The following ABCA13 variants were observed in gnomAD, a reference collection of about 807,000 sequenced individuals.
The protein encoded by ABCA13 is ATP-binding cassette sub-family A member 13.
In ABCA13, 476 loss-of-function variants were observed where a neutral mutation model predicts 478.7. That is an observed-to-expected ratio of 0.99 (90% CI 0.92 to 1.07). The LOEUF (loss-of-function observed/expected upper bound fraction) is 1.07, where lower values mean the gene tolerates loss of function less well. ABCA13 is among the 50% of genes least tolerant of loss of function. ABCA13 has a pLI of 0.00. For missense variants in ABCA13, 6,060 were observed against 5,910.6 expected (o/e 1.03, Z -0.83); for synonymous variants, 2,252 against 2,158.9 (o/e 1.04, Z -1.20).
chr7:48,317,343 T>G, intron 27 of ABCA13, 47 bp downstream of exon 27: 1 of 1,556,758 alleles, frequency 6.4e-7, no homozygotes, highest in Non-Finnish European at 8.7e-7. Context: ...ATACACTAAA[T>G]CAGGAAGGAA....
chr7:48,397,536 G>A (rs1817007831), intron 38 of ABCA13, among the ~76,000 whole-genome samples: 1 of 151,974 alleles, frequency 6.6e-6, no homozygotes, highest in African/African-American at 2.4e-5. Flanking sequence ...TCTGAAAGGA[G>A]GGCACTGGGG....
chr7:48,179,783 T>A (rs776205121), intron 1 of ABCA13, among the ~76,000 whole-genome samples: 2 of 152,200 alleles, frequency 1.3e-5, no homozygotes, highest in African/African-American at 2.4e-5. Flanking sequence ...CGGCAGGTCC[T>A]GAGAGCACAC....
chr7:48,252,585 G>A (rs1194713982), intron 15 of ABCA13, among the ~76,000 whole-genome samples: 1 of 152,158 alleles, frequency 6.6e-6, no homozygotes, highest in Non-Finnish European at 1.5e-5. Context: ...TAACAGAAAG[G>A]TAAGGTAAAA....
At chr7:48,208,688 A>T (rs1785239815) in intron 3 of ABCA13, among the ~76,000 whole-genome samples, 1 of 151,880 alleles carries the variant, frequency 6.6e-6, no homozygotes, top group South Asian at 2.1e-4. Flanking sequence ...TTTGTTTATC[A>T]GTTCTAATAG....
intron 48 of ABCA13, among the ~76,000 whole-genome samples, chr7:48,498,618 AG>A (rs1353056176): frequency 1.3e-5 from 2 of 152,140 alleles, no homozygotes; most frequent in Non-Finnish European, 2.9e-5. Context: ...ATAATAGAAT[AG>A]CACCTATGGA....
At chr7:48,394,771 A>C (rs1030316742) in intron 38 of ABCA13, among the ~76,000 whole-genome samples, 2 of 151,780 alleles carry the variant, frequency 1.3e-5, no homozygotes, top group African/African-American at 4.8e-5. Context: ...GTGATTTGTG[A>C]GATTTTGGTG....
At chr7:48,570,858 C>CT (rs1787577691) in intron 55 of ABCA13, among the ~76,000 whole-genome samples, 1 of 151,760 alleles carries the variant, frequency 6.6e-6, no homozygotes, top group Non-Finnish European at 1.5e-5. Flanking sequence ...TCTATATTTC[C>CT]TCTATATTTT....
intron 15 of ABCA13, among the ~76,000 whole-genome samples, chr7:48,261,294 T>A (rs1211105046): frequency 6.6e-6 from 1 of 152,054 alleles, no homozygotes; most frequent in Non-Finnish European, 1.5e-5. Flanking sequence ...ATAAAATTTC[T>A]AATTTTTCAA....
intron 27 of ABCA13, among the ~76,000 whole-genome samples, chr7:48,322,422 T>A (rs982957607): frequency 6.6e-6 from 1 of 152,196 alleles, no homozygotes; most frequent in Non-Finnish European, 1.5e-5. Context: ...CAGAGACGCA[T>A]GTCCTCACCT....
In ABCA13 at chr7:48,310,029, G is replaced by T. The variant is rs1192097386; in HGVS notation, c.9404G>T (p.Gly3135Val). The T allele has an allele frequency of 6.2e-7, 1 of 1,613,828 alleles. No homozygotes were observed. Among genetic ancestry groups the T allele is most frequent in the African/African-American group, 1.3e-5 (1 of 74,912 alleles). Residue 3135 changes from glycine to valine, a missense_variant, in exon 24 of 62, where the codon GGG (glycine) becomes GTG (valine). Around this residue, in one of 3 missense-constraint regions of ABCA13, gnomAD observed 4,423 missense variants for 4,309.1 expected, o/e 1.03. Coordinates refer to ENST00000435803, the MANE Select transcript of ABCA13 (RefSeq NM_152701.5). ...CATCTCCTGCTGACATTTCCCAAAG[G>T]GGAAAAATCTTGGATCGCAGCGGAG... ...ILHLLLTFPK[G>V]EKSWIAAEEL...
chr7:48,574,156 C>A (rs573000671), intron 55 of ABCA13, among the ~76,000 whole-genome samples: 1 of 152,046 alleles, frequency 6.6e-6, no homozygotes, highest in African/African-American at 2.4e-5. Context: ...CAACCCATAA[C>A]AACTGATAAA....
At chr7:48,479,242 T>G (rs1288460020) in intron 45 of ABCA13, among the ~76,000 whole-genome samples, 5 of 150,662 alleles carry the variant, frequency 3.3e-5, no homozygotes, top group Non-Finnish European at 1.5e-5. Context: ...GCAATTTTCC[T>G]TTTTCCTTTT....
At chr7:48,311,524 G>A (rs1801775655) in intron 24 of ABCA13, among the ~76,000 whole-genome samples, 1 of 152,114 alleles carries the variant, frequency 6.6e-6, no homozygotes, top group Non-Finnish European at 1.5e-5. Flanking sequence ...TGGCCACTTT[G>A]TTATGTGCAC....
chr7:48,548,265 CTT>C (rs1224710455), intron 55 of ABCA13, among the ~76,000 whole-genome samples: 1 of 151,818 alleles, frequency 6.6e-6, no homozygotes, highest in African/African-American at 2.4e-5. Context: ...TGGGTACAGT[CTT>C]TGTTTCATTA....
intron 55 of ABCA13, among the ~76,000 whole-genome samples, chr7:48,550,433 T>C (rs182331595): frequency 1.2e-4 from 18 of 151,650 alleles, no homozygotes; most frequent in African/African-American, 3.1e-4. Flanking sequence ...AATTTTTGTA[T>C]TTTTAGTAGA....
chr7:48,426,708 G>A, intron 41 of ABCA13, among the ~76,000 whole-genome samples: 1 of 152,172 alleles, frequency 6.6e-6, no homozygotes, highest in East Asian at 1.9e-4. Flanking sequence ...TGATGCTAAG[G>A]GAGAGAGTGG....
intron 1 of ABCA13, among the ~76,000 whole-genome samples, chr7:48,190,184 A>C (rs568982693): frequency 2.2e-4 from 34 of 152,312 alleles, no homozygotes; most frequent in African/African-American, 7.5e-4. Context: ...AAAAATCCAC[A>C]TTAAAAATCA....
intron 48 of ABCA13, among the ~76,000 whole-genome samples, chr7:48,492,853 C>A (rs528132018): frequency 5.9e-5 from 9 of 152,070 alleles, no homozygotes; most frequent in Non-Finnish European, 4.4e-5. Flanking sequence ...TGGTGAAACC[C>A]TGTCTGTACT....
chr7:48,340,399 C>G (rs373751418), intron 29 of ABCA13, among the ~76,000 whole-genome samples: 1 of 152,154 alleles, frequency 6.6e-6, no homozygotes. Context: ...AGCCACTGCG[C>G]CTGGCCTCAT....
Sources: allele counts gnomAD v4.1 joint callset (sites outside exome capture counted in the v4.1 genomes callset), GRCh38; gene constraint gnomAD v4.1.1; regional missense constraint gnomAD v4.1.1; transcripts MANE v1.5; gene names NCBI Gene and HGNC (gene_info 2026-07-23, HGNC 2026-07-21).